The following ZBTB20 variants were observed in gnomAD, a reference collection of about 807,000 sequenced individuals.
The protein encoded by ZBTB20 is zinc finger and BTB domain containing 20, also known as zinc finger and BTB domain-containing protein 20.
In ZBTB20, 9 loss-of-function variants were observed where a neutral mutation model predicts 56.9. The observed-to-expected ratio is 0.16, with a 90% CI of 0.10 to 0.28. ZBTB20 has a LOEUF of 0.28. Among genes scored for constraint, ZBTB20 ranks in the 10% least tolerant of loss-of-function variants. ZBTB20 has a pLI of 1.00. For synonymous variants in ZBTB20, 417 were observed against 420.7 expected (o/e 0.99, Z 0.11); for missense variants, 655 against 1,003.0 (o/e 0.65, Z 4.69).
intron 2 of ZBTB20, among the ~76,000 whole-genome samples, chr3:115,069,609 G>A (rs1224836208): frequency 3.3e-5 from 5 of 152,136 alleles, no homozygotes; most frequent in Non-Finnish European, 4.4e-5. Context: ...AGGTAGGTTG[G>A]AGGTAGAAAA....
At chr3:114,538,066 G>A (rs553719890) in intron 6 of ZBTB20, among the ~76,000 whole-genome samples, 23 of 152,014 alleles carry the variant, frequency 1.5e-4, no homozygotes, top group Non-Finnish European at 3.1e-4. Flanking sequence ...AACCACCATG[G>A]CATGTGTATA....
At chr3:115,143,980 G>A (rs1260279853) in intron 1 of ZBTB20, among the ~76,000 whole-genome samples, 1 of 152,142 alleles carries the variant, frequency 6.6e-6, no homozygotes, top group Admixed American at 6.5e-5. Flanking sequence ...AATGCACAAA[G>A]TGTGTGTGAC....
At chr3:114,456,611 C>T (rs1700797494) in intron 7 of ZBTB20, among the ~76,000 whole-genome samples, 1 of 152,098 alleles carries the variant, frequency 6.6e-6, no homozygotes, top group Non-Finnish European at 1.5e-5. Flanking sequence ...TGAAAATGAG[C>T]TACTAAAAAG....
chr3:114,631,233 A>C (rs570425050), intron 6 of ZBTB20, among the ~76,000 whole-genome samples: 4 of 152,134 alleles, frequency 2.6e-5, no homozygotes, highest in Non-Finnish European at 5.9e-5. Flanking sequence ...GTCATTACAA[A>C]CAACCAAAAG....
chr3:114,811,970 G>A (rs1383250932), intron 4 of ZBTB20, among the ~76,000 whole-genome samples: 1 of 152,156 alleles, frequency 6.6e-6, no homozygotes. Context: ...TGTTCCTTCT[G>A]ATGTTCGGAT....
intron 6 of ZBTB20, among the ~76,000 whole-genome samples, chr3:114,676,023 G>A (rs539469363): frequency 2.2e-4 from 33 of 152,136 alleles, no homozygotes; most frequent in Admixed American, 1.8e-3. Context: ...TAGAGGCACA[G>A]AGAGATCAGA....
intron 1 of ZBTB20, among the ~76,000 whole-genome samples, chr3:115,080,291 G>T (rs1336598573): frequency 1.3e-5 from 2 of 152,156 alleles, no homozygotes; most frequent in East Asian, 3.8e-4. Context: ...GAACTGTGAG[G>T]TTACAGCAGC....
At chr3:114,371,308 A>T (rs567792814) in intron 10 of ZBTB20, among the ~76,000 whole-genome samples, 2 of 152,118 alleles carry the variant, frequency 1.3e-5, no homozygotes, top group Non-Finnish European at 2.9e-5. Flanking sequence ...GTGAGGATAC[A>T]TATTGTTTTA....
At chr3:115,116,433 T>G (rs2108636610) in intron 1 of ZBTB20, among the ~76,000 whole-genome samples, 1 of 152,208 alleles carries the variant, frequency 6.6e-6, no homozygotes. Flanking sequence ...GTATGGGCTT[T>G]GGACTCAGAT....
At chr3:115,141,605 C>A (rs2084813147) in intron 1 of ZBTB20, among the ~76,000 whole-genome samples, 1 of 152,074 alleles carries the variant, frequency 6.6e-6, no homozygotes, top group African/African-American at 2.4e-5. Context: ...GGTGACTGAC[C>A]CAGTGCATAT....
At chr3:114,389,209 T>C (rs2085514528) in intron 7 of ZBTB20, 104 bp from the exon 8 acceptor site, 1 of 151,974 alleles carries the variant, frequency 6.6e-6, no homozygotes, top group Admixed American at 6.5e-5. Flanking sequence ...GAGTGAGAGG[T>C]TGGTTGTTTG....
chr3:114,961,121 A>G (rs2077434859), intron 3 of ZBTB20, among the ~76,000 whole-genome samples: 1 of 151,976 alleles, frequency 6.6e-6, no homozygotes. Context: ...GTAAAAAAAA[A>G]AAAAATACAT....
intron 5 of ZBTB20, among the ~76,000 whole-genome samples, chr3:114,759,535 G>A (rs970530921): frequency 6.6e-6 from 1 of 152,098 alleles, no homozygotes; most frequent in Admixed American, 6.6e-5. Flanking sequence ...CTAGCCTCTG[G>A]ATTGCAAAAG....
chr3:114,611,263 G>A (rs553289750), intron 6 of ZBTB20, among the ~76,000 whole-genome samples: 8 of 152,238 alleles, frequency 5.3e-5, no homozygotes, highest in African/African-American at 1.4e-4. Flanking sequence ...TATCTATACC[G>A]GTGGTACAGT....
intron 6 of ZBTB20, among the ~76,000 whole-genome samples, chr3:114,678,659 T>C (rs2061781607): frequency 3.3e-5 from 5 of 152,290 alleles, no homozygotes; most frequent in Non-Finnish European, 4.4e-5. Context: ...AGAAAATTCC[T>C]GAAATTTGGT....
intron 3 of ZBTB20, among the ~76,000 whole-genome samples, chr3:114,924,513 G>T (rs144497436): frequency 3.6e-4 from 55 of 152,288 alleles, no homozygotes; most frequent in South Asian, 1.7e-3. Context: ...ATAAAAAGGT[G>T]AATCTCATTG....
intron 7 of ZBTB20, among the ~76,000 whole-genome samples, chr3:114,499,464 A>C (rs1387356770): frequency 6.6e-6 from 1 of 152,240 alleles, no homozygotes; most frequent in East Asian, 1.9e-4. Flanking sequence ...CAGTGAAGCA[A>C]GATATAATGT....
At position 114,331,061 on chromosome 3, in the gene ZBTB20, G is replaced by C. The variant is rs2079233843; in HGVS notation, c.*7944C>G. On this transcript the variant is annotated 3_prime_UTR_variant, in exon 12 of 12. Coordinates refer to ENST00000675478, the MANE Select transcript of ZBTB20 (RefSeq NM_001348800.3). ...TTTGTGAATTACGATGATATCTTGT[G>C]AGTACAGGCAGAATTAGGAAGCTTT... The C allele has an allele frequency of 6.6e-6, 1 of 152,510 alleles. No individual in the cohort carries two copies. Among genetic ancestry groups the C allele is most frequent in the South Asian group, 2.1e-4 (1 of 4,836 alleles). The allele number at this position is 152,510 out of a possible 1,614,324, so 9.4% of individuals were successfully genotyped here. A position where few individuals can be genotyped will look rare whatever the true frequency, so the allele number is the denominator to read the frequency against.
intron 2 of ZBTB20, among the ~76,000 whole-genome samples, chr3:115,020,196 T>C (rs775575734): frequency 1.9e-4 from 29 of 151,244 alleles, no homozygotes; most frequent in South Asian, 8.3e-4. Context: ...CAGGCTCTTA[T>C]GTAATACAGG....
Sources: gnomAD v4.1 joint callset for allele counts (sites outside exome capture counted in the v4.1 genomes callset) on GRCh38, gnomAD v4.1.1 for gene constraint, MANE v1.5 for transcripts, NCBI Gene and HGNC (gene_info 2026-07-23, HGNC 2026-07-21) for gene names.